Variants in ARHGEF6 observed in about 807,000 individuals in gnomAD.
The protein encoded by ARHGEF6 is rho guanine nucleotide exchange factor 6.
Under a neutral mutation model 70.3 loss-of-function variants are expected in ARHGEF6, and 9 were observed. That is an observed-to-expected ratio of 0.13 (90% CI 0.08 to 0.22). The LOEUF is 0.22. Ranked by LOEUF, ARHGEF6 falls within the 10% of genes least tolerant of loss-of-function variation. The pLI, the probability that ARHGEF6 is intolerant of heterozygous loss-of-function variation, is 1.00. For missense variants in ARHGEF6, 470 were observed against 563.0 expected, an observed-to-expected ratio of 0.83 and a Z score of 1.67; for synonymous variants, 201 against 207.8, an observed-to-expected ratio of 0.97 and a Z score of 0.28.
intron 2 of ARHGEF6, among the ~76,000 whole-genome samples, chrX:136,766,474 TC>T (rs1204743309): frequency 9.0e-6 from 1 of 111,272 alleles, no homozygotes; most frequent in Non-Finnish European, 1.9e-5. Flanking sequence ...GTATTTTTAC[TC>T]CCACTACACA....
intron 2 of ARHGEF6, among the ~76,000 whole-genome samples, chrX:136,756,262 G>A (rs935033875): frequency 1.6e-4 from 18 of 111,575 alleles, no homozygotes; most frequent in African/African-American, 5.2e-4. Context: ...CTGTGACCAC[G>A]AGGTGACCAA....
At chrX:136,697,124 G>A (rs960587946) in intron 9 of ARHGEF6, among the ~76,000 whole-genome samples, 2 of 111,433 alleles carry the variant, frequency 1.8e-5, no homozygotes, top group Admixed American at 9.5e-5. Context: ...AGCTCCCAGA[G>A]TAGTGAGATT....
intron 21 of ARHGEF6, 116 bp from the exon 22 acceptor site, chrX:136,668,285 C>A: frequency 1.1e-6 from 1 of 890,822 alleles, no homozygotes; most frequent in Non-Finnish European, 1.6e-6. Context: ...CTCGACCTTC[C>A]CTCCCTCAGC....
At chrX:136,744,514 G>A (rs972097678) in intron 4 of ARHGEF6, among the ~76,000 whole-genome samples, 21 of 111,366 alleles carry the variant, frequency 1.9e-4, no homozygotes, top group African/African-American at 6.9e-4. Flanking sequence ...AATTTGAGAG[G>A]GTACCAGGGG....
chrX:136,711,386 G>A (rs888370721), intron 7 of ARHGEF6, among the ~76,000 whole-genome samples: 4 of 110,977 alleles, frequency 3.6e-5, no homozygotes, highest in African/African-American at 1.3e-4. Context: ...CTGTGGGATG[G>A]GCAAGGCAGT....
At chrX:136,680,624 G>C (rs964337966) in intron 15 of ARHGEF6, 107 bp downstream of exon 15, 1 of 916,939 alleles carries the variant, frequency 1.1e-6, no homozygotes, top group African/African-American at 1.9e-5. Flanking sequence ...ACAAATATAG[G>C]CTGCCCAAAA....
At chrX:136,690,587 T>G (rs371535028) in intron 10 of ARHGEF6, 23 bp downstream of exon 10, 240 of 1,208,154 alleles carry the variant, frequency 2.0e-4, no homozygotes, top group Non-Finnish European at 2.6e-4. Context: ...CACACGAGCT[T>G]GAAAAAGTTC....
At chrX:136,708,030 T>G (rs1487252756) in intron 8 of ARHGEF6, among the ~76,000 whole-genome samples, 1 of 112,110 alleles carries the variant, frequency 8.9e-6, no homozygotes, top group East Asian at 2.8e-4. Context: ...ATAATAGACA[T>G]AGTATCAGGA....
At chrX:136,688,052 G>T in intron 10 of ARHGEF6, 61 bp from the exon 11 acceptor site, 1 of 917,188 alleles carries the variant, frequency 1.1e-6, no homozygotes. Flanking sequence ...GTTGCCAAGG[G>T]TTAGGGGTAG....
intron 2 of ARHGEF6, among the ~76,000 whole-genome samples, chrX:136,765,836 T>A: frequency 8.9e-6 from 1 of 112,646 alleles, no homozygotes; most frequent in Non-Finnish European, 1.9e-5. Context: ...CTACATCCTT[T>A]ACAAGGGCAC....
chrX:136,704,387 C>T (rs761650349), intron 9 of ARHGEF6, among the ~76,000 whole-genome samples: 1 of 112,391 alleles, frequency 8.9e-6, no homozygotes, highest in African/African-American at 3.2e-5. Flanking sequence ...AATTTAAAAA[C>T]AGGCTAAGGA....
intron 5 of ARHGEF6, among the ~76,000 whole-genome samples, chrX:136,739,914 C>T (rs933774612): frequency 1.8e-5 from 2 of 111,784 alleles, no homozygotes; most frequent in African/African-American, 3.3e-5. Context: ...AAAAGGGCAA[C>T]GGAAGGCCAG....
At chrX:136,736,884 G>C (rs1165895415) in intron 5 of ARHGEF6, among the ~76,000 whole-genome samples, 1 of 111,588 alleles carries the variant, frequency 9.0e-6, no homozygotes, top group African/African-American at 3.3e-5. Context: ...ACAGGCTCAA[G>C]GGAGGAAAAC....
chrX:136,683,425 C>A (rs1224280252), intron 12 of ARHGEF6, among the ~76,000 whole-genome samples: 1 of 110,978 alleles, frequency 9.0e-6, no homozygotes, highest in Non-Finnish European at 1.9e-5. Context: ...ATGGCACGAT[C>A]TCGGCTCACC....
chrX:136,762,567 C>T (rs1187436570), intron 2 of ARHGEF6, among the ~76,000 whole-genome samples: 1 of 111,581 alleles, frequency 9.0e-6, no homozygotes, highest in African/African-American at 3.3e-5. Context: ...TCTTGGCTCA[C>T]TGCAACCTCC....
At chrX:136,681,687 A>G (rs1208371262) in intron 14 of ARHGEF6, among the ~76,000 whole-genome samples, 1 of 112,288 alleles carries the variant, frequency 8.9e-6, no homozygotes, top group Non-Finnish European at 1.9e-5. Context: ...CTAATGGCAA[A>G]GCCATGGCTT....
chrX:136,668,533 C>CTTATTATTATTATTATTATTATTA (rs58182405), intron 21 of ARHGEF6, among the ~76,000 whole-genome samples: 1 of 98,461 alleles, frequency 1.0e-5, no homozygotes, highest in African/African-American at 3.8e-5. Context: ...TCTTCTTCTT[C>CTTATTATTATTATTATTATTATTA]TTATTATTAT....
Position 136,681,883 on chromosome X carries a change from TA to T in ARHGEF6, c.1558+6del. On this transcript the variant is annotated splice_donor_region_variant and intron_variant, in intron 14 of 21. Transcript: ENST00000250617. ...AGTAGTTACATGAAAAAGAGAAAAT[TA>T]CCTACCAGTGATTTCAAATGTGCAG... The T allele has an allele frequency of 8.4e-7, 1 of 1,192,085 alleles. No homozygotes were observed. The highest frequency in any genetic ancestry group is 3.0e-5 in the East Asian group (1 of 33,790).
At chrX:136,727,323 C>T (rs1056632446) in intron 6 of ARHGEF6, among the ~76,000 whole-genome samples, 1 of 75,657 alleles carries the variant, frequency 1.3e-5, no homozygotes, top group Non-Finnish European at 2.4e-5. Flanking sequence ...TTCTTTCTTT[C>T]TTTTTCTTTC....
Sources: gnomAD v4.1 joint callset for allele counts (sites outside exome capture counted in the v4.1 genomes callset) on GRCh38, gnomAD v4.1.1 for gene constraint, MANE v1.5 for transcripts, NCBI Gene and HGNC (gene_info 2026-07-23, HGNC 2026-07-21) for gene names.